SOX5: variants seen among roughly 807,000 people sequenced by gnomAD.
SOX5 encodes the protein transcription factor SOX-5.
Under a neutral mutation model 92.0 loss-of-function variants are expected in SOX5, and 9 were observed. That is an observed-to-expected ratio of 0.10 (90% confidence interval 0.06 to 0.17). The LOEUF (loss-of-function observed/expected upper bound fraction) is 0.17. SOX5 is among the 10% of genes least tolerant of loss of function. The pLI is 1.00. For synonymous variants in SOX5, 344 were observed against 336.3 expected, an observed-to-expected ratio of 1.02 and a Z score of -0.25; for missense variants, 642 against 944.5, an observed-to-expected ratio of 0.68 and a Z score of 4.20.
chr12:24,293,578 G>A (rs1313302279), intron 2 of SOX5, among the ~76,000 whole-genome samples: 2 of 151,612 alleles, frequency 1.3e-5, no homozygotes, highest in Admixed American at 6.6e-5. Flanking sequence ...GACTGGTTAT[G>A]CAGTTTATAA....
rs149771557 is a variant in SOX5 at position 24,013,699 on chromosome 12, C to T, written c.-1-117675G>A. On this transcript the variant is annotated intron_variant, in intron 4 of 4. Transcript: ENST00000446891. ...AAAACTAATCTGATTTCCTTCAGAGCTTAACAAATAGAAGACCATTTTTAA... is the reference window on the plus strand; with the variant it reads ...AAAACTAATCTGATTTCCTTCAGAGTTTAACAAATAGAAGACCATTTTTAA... Among the ~76,000 whole-genome samples the T allele has an allele frequency of 7.2e-3, 1,102 of 152,174 alleles. 23 individuals are homozygous for T. The highest frequency in any genetic ancestry group is 0.072 in the South Asian group (346 of 4,818).
At chr12:23,681,089 T>G (rs2086550516) in intron 6 of SOX5, among the ~76,000 whole-genome samples, 2 of 151,914 alleles carry the variant, frequency 1.3e-5, no homozygotes, top group South Asian at 4.1e-4. Flanking sequence ...GTCTAATATT[T>G]GAAGAAAAAA....
At chr12:23,852,399 A>G (rs1293079735) in intron 2 of SOX5, among the ~76,000 whole-genome samples, 1 of 152,164 alleles carries the variant, frequency 6.6e-6, no homozygotes, top group Non-Finnish European at 1.5e-5. Context: ...GCCCCATTAT[A>G]CTTCAAAAAT....
chr12:23,867,592 C>T (rs1469488071), intron 2 of SOX5, among the ~76,000 whole-genome samples: 8 of 152,020 alleles, frequency 5.3e-5, no homozygotes, highest in African/African-American at 1.9e-4. Context: ...CTTACTAGAA[C>T]TTCTTTCTTT....
chr12:24,099,719 A>G (rs1406276871), intron 4 of SOX5, among the ~76,000 whole-genome samples: 4 of 152,230 alleles, frequency 2.6e-5, no homozygotes, highest in Middle Eastern at 3.4e-3. Flanking sequence ...CCACTATCCT[A>G]TTGGTTTCTT....
At chr12:24,071,816 G>A (rs1037169002) in intron 4 of SOX5, among the ~76,000 whole-genome samples, 6 of 152,128 alleles carry the variant, frequency 3.9e-5, no homozygotes, top group Non-Finnish European at 7.4e-5. Flanking sequence ...AAAGAATGAC[G>A]AAAAATGCTT....
chr12:23,853,225 C>G (rs967550383), intron 2 of SOX5, among the ~76,000 whole-genome samples: 2 of 150,668 alleles, frequency 1.3e-5, no homozygotes, highest in African/African-American at 4.9e-5. Flanking sequence ...TTCCTGATGT[C>G]CTACTAACTA....
Position 23,696,036 on chromosome 12 carries a change from T to A in SOX5, c.811-30472A>T, listed in dbSNP as rs114985795. 3.0e-3 allele frequency among the ~76,000 whole-genome samples: 450 copies of A among 150,628 alleles called. 4 individuals carry two copies. Among genetic ancestry groups the A allele is most frequent in the African/African-American group, 0.01 (428 of 40,962 alleles). ...TATTCATAATATATTATCCTTCTTATATATTGCTGGACTTAGTTTGCTAAC... is the reference window on the plus strand; with the variant it reads ...TATTCATAATATATTATCCTTCTTAAATATTGCTGGACTTAGTTTGCTAAC... On this transcript the variant is annotated intron_variant, in intron 6 of 14. Transcript: ENST00000451604.
chr12:23,802,745 G>T (rs186700595), intron 3 of SOX5, among the ~76,000 whole-genome samples: 35 of 152,024 alleles, frequency 2.3e-4, no homozygotes, highest in Admixed American at 1.6e-3. Context: ...ATCCTCCATG[G>T]GTTTATATGT....
chr12:23,614,704 T>C (rs1330514981), intron 8 of SOX5, among the ~76,000 whole-genome samples: 1 of 152,260 alleles, frequency 6.6e-6, no homozygotes, highest in Non-Finnish European at 1.5e-5. Flanking sequence ...ATGTGGTATC[T>C]TCATGTTTAC....
At chr12:24,192,264 T>G (rs1373684336) in intron 4 of SOX5, among the ~76,000 whole-genome samples, 2 of 152,196 alleles carry the variant, frequency 1.3e-5, no homozygotes, top group African/African-American at 4.8e-5. Context: ...AGGGTAGGTT[T>G]TCAGATTAAT....
At chr12:23,755,070 A>G (rs1331238242) in intron 4 of SOX5, among the ~76,000 whole-genome samples, 1 of 151,824 alleles carries the variant, frequency 6.6e-6, no homozygotes, top group African/African-American at 2.4e-5. Flanking sequence ...AGGAAATTAA[A>G]TCTTCTCCCC....
chr12:24,474,233 A>G (rs73289657), intron 1 of SOX5, among the ~76,000 whole-genome samples: 8,839 of 152,280 alleles, frequency 0.058, 303 homozygotes, highest in African/African-American at 0.091. Context: ...TTATAGGTAT[A>G]TAATTTTTGC....
chr12:23,826,414 C>G (rs1392450818), intron 3 of SOX5, among the ~76,000 whole-genome samples: 1 of 152,116 alleles, frequency 6.6e-6, no homozygotes, highest in Non-Finnish European at 1.5e-5. Flanking sequence ...CAGCCCAGAA[C>G]AAGTATGGCT....
rs559413249 is a variant in SOX5 at position 23,947,479 on chromosome 12, C to T, written c.38+2085G>A. ...CATGGGTGCCTATAGAGACACTCAC[C>T]CGTACAAATTCAATGTAAACAAATA... On this transcript the variant is annotated intron_variant, in intron 1 of 14. Transcript: ENST00000451604. Among the ~76,000 whole-genome samples, 4 of 151,682 alleles carry T rather than the reference C, an allele frequency of 2.6e-5. No homozygotes were observed. The South Asian group carries it at 8.3e-4, about 31-fold the overall frequency.
At chr12:24,037,610 T>G (rs1956168397) in intron 4 of SOX5, among the ~76,000 whole-genome samples, 1 of 152,134 alleles carries the variant, frequency 6.6e-6, no homozygotes, top group Admixed American at 6.6e-5. Context: ...TACAGTGAAA[T>G]AGATCATTCA....
chr12:23,895,979 T>A lies in SOX5; in HGVS notation c.84A>T (p.Gly28=). ...RPASPYGEAD[G]EVAMVTSRQK... is the part of the protein sequence containing the mutation. ...GTCTGCTTGTCACCATGGCTACCTCTCCATCTGCTTCCCCATACGGAGAGG... is the reference window on the plus strand; with the variant it reads ...GTCTGCTTGTCACCATGGCTACCTCACCATCTGCTTCCCCATACGGAGAGG... The change falls in exon 2 of 15, where the codon GGA becomes GGT. Residue 28 remains glycine, a synonymous_variant. Transcript: ENST00000451604. The A allele has an allele frequency of 6.2e-7, 1 of 1,614,064 alleles. No homozygotes were observed. Among genetic ancestry groups the A allele is most frequent in the Non-Finnish European group, 8.5e-7 (1 of 1,179,966 alleles).
chr12:24,115,134 A>T (rs75298326), intron 4 of SOX5, among the ~76,000 whole-genome samples: 8,330 of 152,234 alleles, frequency 0.055, 247 homozygotes, highest in African/African-American at 0.07. Context: ...AGAAAAGAGA[A>T]AACAAAGTGC....
intron 4 of SOX5, among the ~76,000 whole-genome samples, chr12:24,111,475 T>C (rs1270044534): frequency 6.6e-6 from 1 of 152,196 alleles, no homozygotes; most frequent in Non-Finnish European, 1.5e-5. Flanking sequence ...TAATACTGTA[T>C]TGGTTATTTC....
Sources: allele counts gnomAD v4.1 joint callset (sites outside exome capture counted in the v4.1 genomes callset), GRCh38; gene constraint gnomAD v4.1.1; transcripts MANE v1.5; gene names NCBI Gene and HGNC (gene_info 2026-07-23, HGNC 2026-07-21).